ELOVL6: variants seen among roughly 807,000 people sequenced by gnomAD.
ELOVL6 encodes very long chain fatty acid elongase 6.
Under a neutral mutation model 31.7 loss-of-function variants are expected in ELOVL6, and 8 were observed. That is an observed-to-expected ratio of 0.25 (90% CI 0.15 to 0.45). The LOEUF is 0.45. Ranked by LOEUF, ELOVL6 falls within the 20% of genes least tolerant of loss-of-function variation. The pLI, the probability that ELOVL6 is intolerant of heterozygous loss-of-function variation, is 1.00. For missense variants in ELOVL6, 126 were observed against 326.4 expected, an observed-to-expected ratio of 0.39 and a Z score of 4.73; for synonymous variants, 101 against 117.7, an observed-to-expected ratio of 0.86 and a Z score of 0.92.
At chr4:110,131,057 A>G (rs1169733046) in intron 1 of ELOVL6, among the ~76,000 whole-genome samples, 1 of 152,226 alleles carries the variant, frequency 6.6e-6, no homozygotes, top group Non-Finnish European at 1.5e-5. Flanking sequence ...GAAGCTTTCT[A>G]AATTATCATT....
At chr4:110,145,625 G>A (rs1166151174) in intron 1 of ELOVL6, among the ~76,000 whole-genome samples, 2 of 152,042 alleles carry the variant, frequency 1.3e-5, no homozygotes, top group South Asian at 4.1e-4. Flanking sequence ...CTATGACCTT[G>A]CAGGGTTTGC....
chr4:110,108,093 G>A (rs1756934242), intron 1 of ELOVL6, among the ~76,000 whole-genome samples: 2 of 152,056 alleles, frequency 1.3e-5, no homozygotes, highest in South Asian at 4.1e-4. Context: ...GTGAAAAGAT[G>A]AAGAAGAATT....
intron 1 of ELOVL6, among the ~76,000 whole-genome samples, chr4:110,123,800 C>T (rs936957838): frequency 6.6e-6 from 1 of 152,180 alleles, no homozygotes; most frequent in African/African-American, 2.4e-5. Flanking sequence ...GTCATTTGAG[C>T]ATGTATCTAT....
intron 1 of ELOVL6, among the ~76,000 whole-genome samples, chr4:110,158,858 G>A (rs927734106): frequency 7.3e-5 from 11 of 151,484 alleles, no homozygotes; most frequent in African/African-American, 2.2e-4. Context: ...ATGGGGTTTC[G>A]CCACGTTGGC....
chr4:110,119,956 A>G (rs1388721119), intron 1 of ELOVL6, among the ~76,000 whole-genome samples: 6 of 152,236 alleles, frequency 3.9e-5, no homozygotes, highest in Admixed American at 2.6e-4. Flanking sequence ...ATGGATTCCC[A>G]GAAAAGAGAT....
chr4:110,117,903 A>AAAAAAAATATATATATATATATAT, intron 1 of ELOVL6: 1 of 6,500 alleles, frequency 1.5e-4, no homozygotes, highest in Non-Finnish European at 3.7e-4. Context: ...AAAAAAAAAA[A>AAAAAAAATATATATATATATATAT]ATATATATAT....
At chr4:110,095,343 G>T (rs571159942) in intron 2 of ELOVL6, among the ~76,000 whole-genome samples, 1 of 152,056 alleles carries the variant, frequency 6.6e-6, no homozygotes, top group Non-Finnish European at 1.5e-5. Flanking sequence ...TTAGCTGGGC[G>T]TGGTGGCACA....
At chr4:110,078,894 G>T (rs1300305207) in intron 2 of ELOVL6, among the ~76,000 whole-genome samples, 3 of 152,032 alleles carry the variant, frequency 2.0e-5, no homozygotes, top group Non-Finnish European at 2.9e-5. Flanking sequence ...GATGGAGGAA[G>T]ATCTACCAAG....
At chr4:110,081,854 G>T (rs1396775075) in intron 2 of ELOVL6, among the ~76,000 whole-genome samples, 1 of 147,640 alleles carries the variant, frequency 6.8e-6, no homozygotes, top group African/African-American at 2.5e-5. Flanking sequence ...TCTGACAAAG[G>T]GTTAATACCC....
chr4:110,152,482 T>G (rs891301839), intron 1 of ELOVL6, among the ~76,000 whole-genome samples: 1 of 152,262 alleles, frequency 6.6e-6, no homozygotes, highest in African/African-American at 2.4e-5. Context: ...TCTCAGTCAC[T>G]GAATGAGAAT....
At chr4:110,155,579 C>G (rs988011190) in intron 1 of ELOVL6, among the ~76,000 whole-genome samples, 2 of 151,922 alleles carry the variant, frequency 1.3e-5, no homozygotes, top group Non-Finnish European at 2.9e-5. Flanking sequence ...CTTATTTTTC[C>G]TCTAACACAA....
chr4:110,066,256 C>A (rs1755296242), intron 2 of ELOVL6, among the ~76,000 whole-genome samples: 2 of 152,100 alleles, frequency 1.3e-5, no homozygotes, highest in Non-Finnish European at 2.9e-5. Flanking sequence ...GATGCCAGAA[C>A]AGGTTAAAAC....
intron 2 of ELOVL6, among the ~76,000 whole-genome samples, chr4:110,084,545 C>G (rs1446078906): frequency 1.5e-4 from 11 of 71,016 alleles, no homozygotes; most frequent in African/African-American, 7.5e-4. Context: ...CACACACACA[C>G]ACACACACAC....
rs185814582 is a variant in ELOVL6 at position 110,189,361 on chromosome 4, C to T, written c.89+8886G>A. 9.7e-3 allele frequency among the ~76,000 whole-genome samples: 1,453 copies of T among 149,750 alleles called. 24 individuals are homozygous for T. Among genetic ancestry groups the T allele is most frequent in the African/African-American group, 0.034 (1,381 of 40,714 alleles). Reference sequence around the variant, plus strand: ...CAAAACTTTGGGAGGCCGAGGTGGGCGGATCACTTGAGGCCAGGAGTTCGA... The same window carrying T: ...CAAAACTTTGGGAGGCCGAGGTGGGTGGATCACTTGAGGCCAGGAGTTCGA... On this transcript the variant is annotated intron_variant, in intron 1 of 3. Coordinates refer to ENST00000302274, the MANE Select transcript of ELOVL6 (RefSeq NM_024090.3).
At chr4:110,102,431 C>G (rs1470909989) in intron 2 of ELOVL6, among the ~76,000 whole-genome samples, 6 of 152,014 alleles carry the variant, frequency 3.9e-5, no homozygotes, top group Non-Finnish European at 8.8e-5. Flanking sequence ...AAAGTTAAGT[C>G]ATAAGAATGG....
At chr4:110,151,906 AG>A (rs1388200021) in intron 1 of ELOVL6, among the ~76,000 whole-genome samples, 1 of 152,238 alleles carries the variant, frequency 6.6e-6, no homozygotes, top group Admixed American at 6.5e-5. Context: ...TGGATTGTAC[AG>A]GGTACATTTA....
intron 2 of ELOVL6, among the ~76,000 whole-genome samples, chr4:110,062,596 C>T (rs901233449): frequency 2.0e-5 from 3 of 152,212 alleles, no homozygotes; most frequent in African/African-American, 7.2e-5. Flanking sequence ...GCTTTCCTTC[C>T]TCCCCAAGTT....
chr4:110,094,118 A>G (rs2347602), intron 2 of ELOVL6, among the ~76,000 whole-genome samples: 88,875 of 151,292 alleles, frequency 0.59, 28,304 homozygotes, highest in African/African-American at 0.85. Flanking sequence ...GTGCGGTGGC[A>G]TGCGTCTGTA....
chr4:110,141,877 TAATAC>T (rs1279037216), intron 1 of ELOVL6, among the ~76,000 whole-genome samples: 2 of 69,856 alleles, frequency 2.9e-5, no homozygotes, highest in African/African-American at 8.1e-5. Context: ...ATATATATAC[TAATAC>T]AATACAATAC....
Sources: allele counts gnomAD v4.1 joint callset (sites outside exome capture counted in the v4.1 genomes callset), GRCh38; gene constraint gnomAD v4.1.1; transcripts MANE v1.5; gene names NCBI Gene and HGNC (gene_info 2026-07-23, HGNC 2026-07-21).